Variants in ARHGAP42 observed in about 807,000 individuals in gnomAD.
The protein encoded by ARHGAP42 is rho GTPase-activating protein 42.
Under a neutral mutation model 125.0 loss-of-function variants are expected in ARHGAP42, and 63 were observed. That is an observed-to-expected ratio of 0.50 (90% confidence interval 0.41 to 0.62). The LOEUF is 0.62. ARHGAP42 is among the 20% of genes least tolerant of loss of function. The pLI, the probability that ARHGAP42 is intolerant of heterozygous loss-of-function variation, is 0.00. For missense variants in ARHGAP42, 766 were observed against 1,024.2 expected (o/e 0.75, Z 3.44); for synonymous variants, 339 against 351.0 (o/e 0.97, Z 0.38).
intron 1 of ARHGAP42, among the ~76,000 whole-genome samples, chr11:100,737,441 G>A (rs1794635244): frequency 6.6e-6 from 1 of 152,134 alleles, no homozygotes; most frequent in Admixed American, 6.5e-5. Flanking sequence ...TGTTGTTGTT[G>A]TTGTTTTTGG....
chr11:100,886,879 A>C (rs1223919501), intron 4 of ARHGAP42, among the ~76,000 whole-genome samples: 2 of 152,190 alleles, frequency 1.3e-5, no homozygotes, highest in African/African-American at 2.4e-5. Context: ...AAAATGAAGG[A>C]GGTCTCTTTC....
intron 1 of ARHGAP42, among the ~76,000 whole-genome samples, chr11:100,718,160 AG>A (rs1451119466): frequency 6.6e-6 from 1 of 152,096 alleles, no homozygotes; most frequent in Admixed American, 6.6e-5. Context: ...TTTATTCCAA[AG>A]GTATGTGGGA....
chr11:100,744,557 T>TGTGTGC (rs1555113081), intron 1 of ARHGAP42, among the ~76,000 whole-genome samples: 283 of 150,646 alleles, frequency 1.9e-3, no homozygotes, highest in South Asian at 9.9e-3. Context: ...TGTGTGTGTG[T>TGTGTGC]GTGTGTGCGT....
chr11:100,754,916 A>G (rs975745940), intron 1 of ARHGAP42, among the ~76,000 whole-genome samples: 2 of 152,228 alleles, frequency 1.3e-5, no homozygotes, highest in African/African-American at 4.8e-5. Context: ...TTATTCCACT[A>G]TAGGATATAC....
At chr11:100,985,705 G>T (rs545277367) in intron 22 of ARHGAP42, among the ~76,000 whole-genome samples, 1 of 152,132 alleles carries the variant, frequency 6.6e-6, no homozygotes, top group Non-Finnish European at 1.5e-5. Flanking sequence ...AATCTGCCCC[G>T]CTAGCAAGCT....
At chr11:100,961,897 G>C in intron 15 of ARHGAP42, 129 bp downstream of exon 15, 1 of 635,660 alleles carries the variant, frequency 1.6e-6, no homozygotes, top group East Asian at 2.8e-5. Flanking sequence ...TACATAAGGT[G>C]AAATAGCATG....
intron 1 of ARHGAP42, among the ~76,000 whole-genome samples, chr11:100,717,284 G>A (rs757559916): frequency 2.1e-4 from 32 of 152,086 alleles, no homozygotes; most frequent in Non-Finnish European, 4.1e-4. Context: ...GACCCTAGAG[G>A]GTTGGTGAAA....
rs886226492 is a variant in ARHGAP42 at position 100,807,975 on chromosome 11, T to C, written c.312+12809T>C. Among the ~76,000 whole-genome samples, 60 of 152,202 alleles carry C rather than the reference T, an allele frequency of 3.9e-4. 1 individual carries two copies. Among genetic ancestry groups the C allele is most frequent in the Non-Finnish European group, 2.9e-5 (2 of 68,040 alleles). On this transcript the variant is annotated intron_variant, in intron 3 of 23. Transcript: ENST00000298815. ...GATACTTGGGAAGCACAAAGATACT[T>C]TGATAATATAAAAGGTAAATGTATA...
intron 3 of ARHGAP42, among the ~76,000 whole-genome samples, chr11:100,798,624 T>A (rs751262919): frequency 6.6e-6 from 1 of 152,252 alleles, no homozygotes; most frequent in African/African-American, 2.4e-5. Context: ...TGCACTGGCA[T>A]CAAAAATTCA....
chr11:100,817,752 C>A (rs927273722), intron 3 of ARHGAP42, among the ~76,000 whole-genome samples: 4 of 152,124 alleles, frequency 2.6e-5, no homozygotes, highest in African/African-American at 9.7e-5. Context: ...GAATTGAGGC[C>A]TACCCATTAA....
chr11:100,859,889 C>A, intron 4 of ARHGAP42: 1 of 265,600 alleles, frequency 3.8e-6, no homozygotes, highest in Non-Finnish European at 7.0e-6. Context: ...TTTGAAGACA[C>A]GGTGAAATTA....
chr11:100,976,037 C>G lies in ARHGAP42; in HGVS notation c.1856-20C>G, dbSNP rs1565303273. On this transcript the variant is annotated intron_variant, in intron 19 of 23. Transcript: ENST00000298815. ...TAGATAGTTACAGTTGCTTTCATCT[C>G]TCTCCCTCCTACTCCTTAGGTGACT... 6.8e-7 allele frequency: 1 copy of G among 1,473,366 alleles called. No individual in the cohort carries two copies. The highest frequency in any genetic ancestry group is 9.0e-7 in the Non-Finnish European group (1 of 1,111,014). 91.3% of individuals were successfully genotyped at this position (1,473,366 alleles called of 1,614,324 possible). A position where few individuals can be genotyped will look rare whatever the true frequency, so the allele number is the denominator to read the frequency against.
At chr11:100,804,637 C>T (rs1049322225) in intron 3 of ARHGAP42, among the ~76,000 whole-genome samples, 10 of 151,398 alleles carry the variant, frequency 6.6e-5, no homozygotes, top group Non-Finnish European at 1.2e-4. Flanking sequence ...CTCAGCCTCC[C>T]GAGTAGCTGG....
chr11:100,837,666 C>CTATTTTTTTTTTTTTTTT (rs1555008871), intron 3 of ARHGAP42, among the ~76,000 whole-genome samples: 10 of 61,070 alleles, frequency 1.6e-4, no homozygotes, highest in African/African-American at 6.3e-4. Context: ...AGGTGTCATC[C>CTATTTTTTTTTTTTTTTT]TTTTTTTTTT....
At chr11:100,816,299 C>G (rs996852872) in intron 3 of ARHGAP42, among the ~76,000 whole-genome samples, 11 of 152,242 alleles carry the variant, frequency 7.2e-5, no homozygotes, top group Non-Finnish European at 1.3e-4. Flanking sequence ...TTCTCTGCAT[C>G]CTCACTAACA....
chr11:100,966,335 A>G (rs1242567988), intron 17 of ARHGAP42, among the ~76,000 whole-genome samples: 1 of 152,140 alleles, frequency 6.6e-6, no homozygotes, highest in African/African-American at 2.4e-5. Context: ...GTGTACATAT[A>G]TTTAATATAT....
At chr11:100,828,259 T>TA (rs3216143) in intron 3 of ARHGAP42, among the ~76,000 whole-genome samples, 34,075 of 149,220 alleles carry the variant, frequency 0.23, 4,183 homozygotes, top group East Asian at 0.4. Flanking sequence ...TTCCCCAGTT[T>TA]AAAAAAAAAA....
At chr11:100,756,224 A>C (rs1591155227) in intron 1 of ARHGAP42, among the ~76,000 whole-genome samples, 1 of 82,566 alleles carries the variant, frequency 1.2e-5, no homozygotes, top group African/African-American at 4.2e-5. Flanking sequence ...TGTCTCTACA[A>C]AAAAAAAAAA....
At chr11:100,967,657 G>A (rs1858129553) in intron 17 of ARHGAP42, among the ~76,000 whole-genome samples, 1 of 152,016 alleles carries the variant, frequency 6.6e-6, no homozygotes. Flanking sequence ...ATGTATTTGG[G>A]TACTCTGTTA....
Sources: allele counts gnomAD v4.1 joint callset (sites outside exome capture counted in the v4.1 genomes callset), GRCh38; gene constraint gnomAD v4.1.1; transcripts MANE v1.5; gene names NCBI Gene and HGNC (gene_info 2026-07-23, HGNC 2026-07-21).